Variants in STXBP5 observed in about 807,000 individuals in gnomAD.
STXBP5 encodes syntaxin binding protein 5, also known as syntaxin-binding protein 5.
In STXBP5, 50 loss-of-function variants were observed where a neutral mutation model predicts 152.4. The ratio of observed to expected loss-of-function variants is 0.33; its 90% confidence interval spans 0.26 to 0.42. The LOEUF (loss-of-function observed/expected upper bound fraction) is 0.42. STXBP5 is among the 10% of genes least tolerant of loss of function. STXBP5 has a pLI of 1.00. For missense variants in STXBP5, 1,167 were observed against 1,388.6 expected, an observed-to-expected ratio of 0.84 and a Z score of 2.54; for synonymous variants, 492 against 494.7, an observed-to-expected ratio of 0.99 and a Z score of 0.07.
intron 14 of STXBP5, among the ~76,000 whole-genome samples, chr6:147,315,273 T>C (rs1782586230): frequency 6.6e-6 from 1 of 152,166 alleles, no homozygotes; most frequent in Non-Finnish European, 1.5e-5. Flanking sequence ...TTTTTAAGAT[T>C]ACCTAAAATC....
intron 5 of STXBP5, 143 bp from the exon 6 acceptor site, chr6:147,262,147 T>A: frequency 1.7e-6 from 1 of 572,128 alleles, no homozygotes; most frequent in Non-Finnish European, 3.0e-6. Context: ...AAGAACTATA[T>A]GCCTATTATT....
At chr6:147,373,053 C>G (rs1395121907) in intron 25 of STXBP5, among the ~76,000 whole-genome samples, 2 of 152,090 alleles carry the variant, frequency 1.3e-5, no homozygotes, top group East Asian at 1.9e-4. Flanking sequence ...TTACACTGGA[C>G]TTTTATACTT....
rs1384761459 is a variant in STXBP5 at position 147,384,835 on chromosome 6, C to T, written c.*80C>T. 9 of 1,376,842 alleles carry T rather than the reference C, an allele frequency of 6.5e-6. No individual in the cohort carries two copies. The African/African-American group carries it at 7.3e-5, about 11-fold the overall frequency. 85.3% of individuals were successfully genotyped at this position (1,376,842 alleles called of 1,614,324 possible). ...TTATTACATTCTTTAGGAAAGTTAA[C>T]GTTAAAGGGATGTTCGTCACTGAAT... is the stretch of plus-strand genomic sequence containing the variant. On this transcript the variant is annotated 3_prime_UTR_variant, in exon 28 of 28. Coordinates refer to ENST00000321680, the MANE Select transcript of STXBP5 (RefSeq NM_001127715.4).
intron 4 of STXBP5, among the ~76,000 whole-genome samples, chr6:147,260,035 C>T (rs2115334841): frequency 6.6e-6 from 1 of 152,252 alleles, no homozygotes; most frequent in East Asian, 1.9e-4. Flanking sequence ...TACAGGTGAT[C>T]TCAGTCCTTC....
intron 4 of STXBP5, among the ~76,000 whole-genome samples, chr6:147,248,808 T>C (rs185038119): frequency 2.0e-5 from 3 of 152,304 alleles, no homozygotes; most frequent in Non-Finnish European, 2.9e-5. Flanking sequence ...TTAGTTGACC[T>C]TAAAATACGA....
intron 26 of STXBP5, among the ~76,000 whole-genome samples, chr6:147,376,422 T>C (rs1785813149): frequency 6.6e-6 from 1 of 152,064 alleles, no homozygotes; most frequent in Non-Finnish European, 1.5e-5. Context: ...GATAAACAGA[T>C]AGTACATAAA....
intron 18 of STXBP5, among the ~76,000 whole-genome samples, chr6:147,330,709 C>T (rs1783525467): frequency 6.6e-6 from 1 of 152,128 alleles, no homozygotes; most frequent in Admixed American, 6.5e-5. Flanking sequence ...AGCCTGTTGA[C>T]ATAATGTTGC....
intron 22 of STXBP5, 152 bp downstream of exon 22, chr6:147,353,525 T>C: frequency 2.2e-6 from 1 of 464,134 alleles, no homozygotes; most frequent in Non-Finnish European, 3.9e-6. Context: ...GAATAGTCTT[T>C]AGAATGCTAT....
chr6:147,375,268 A>G (rs578189722), intron 26 of STXBP5, among the ~76,000 whole-genome samples: 20 of 152,334 alleles, frequency 1.3e-4, no homozygotes, highest in Admixed American at 1.0e-3. Context: ...TATCATAATT[A>G]TAGTGTTCAA....
intron 27 of STXBP5, among the ~76,000 whole-genome samples, chr6:147,384,163 G>A (rs1420990045): frequency 1.3e-5 from 2 of 152,158 alleles, no homozygotes; most frequent in African/African-American, 4.8e-5. Context: ...TACAATCACA[G>A]GTTCTTGAAT....
chr6:147,304,303 C>T (rs908958805), intron 9 of STXBP5, among the ~76,000 whole-genome samples: 2 of 152,186 alleles, frequency 1.3e-5, no homozygotes, highest in African/African-American at 2.4e-5. Context: ...CAGGCCATTG[C>T]TTCAGAGGGT....
intron 4 of STXBP5, among the ~76,000 whole-genome samples, chr6:147,259,055 C>T (rs982414133): frequency 2.2e-4 from 34 of 152,128 alleles, no homozygotes; most frequent in African/African-American, 7.9e-4. Context: ...AGTTATAGAG[C>T]AGAGTAATTT....
chr6:147,244,989 T>TG (rs1168193048), intron 4 of STXBP5, among the ~76,000 whole-genome samples: 1 of 132,058 alleles, frequency 7.6e-6, no homozygotes, highest in African/African-American at 2.9e-5. Context: ...CTGAGCTGCT[T>TG]TTTTTTTTTT....
Position 147,204,745 on chromosome 6 carries a change from T to C in STXBP5, c.150+63T>C, listed in dbSNP as rs1776450533. On this transcript the variant is annotated intron_variant, in intron 1 of 27. Coordinates refer to ENST00000321680, the MANE Select transcript of STXBP5 (RefSeq NM_001127715.4). The surrounding 1 kb of genome is among the most constrained non-coding windows in gnomAD (Gnocchi z 4.3). ...AAAATTGGGGTTGTTTTAAGGGGGC[T>C]ACTCGGGCTTTACATGGGAATGCAA... 3.4e-6 allele frequency: 5 copies of C among 1,468,732 alleles called. No individual in the cohort carries two copies. In the South Asian group the frequency reaches 6.9e-5, roughly 20 times the overall value. 91.0% of individuals were successfully genotyped at this position (1,468,732 alleles called of 1,614,324 possible).
chr6:147,321,655 A>G (rs1382168607), intron 16 of STXBP5, among the ~76,000 whole-genome samples: 2 of 152,178 alleles, frequency 1.3e-5, no homozygotes, highest in Non-Finnish European at 2.9e-5. Context: ...AATTATTTTT[A>G]TTGTCCCTTT....
intron 25 of STXBP5, among the ~76,000 whole-genome samples, chr6:147,367,494 C>T (rs1228641671): frequency 1.3e-5 from 2 of 151,978 alleles, no homozygotes; most frequent in South Asian, 2.1e-4. Context: ...AAAATTTAGC[C>T]GGGCGTGGTG....
intron 2 of STXBP5, among the ~76,000 whole-genome samples, chr6:147,209,969 A>G (rs1381824991): frequency 2.0e-5 from 3 of 152,338 alleles, no homozygotes; most frequent in Non-Finnish European, 4.4e-5. Flanking sequence ...AGGTATCTGC[A>G]TGATATTCAG....
intron 2 of STXBP5, among the ~76,000 whole-genome samples, chr6:147,212,093 T>A (rs1422613193): frequency 1.3e-5 from 2 of 152,232 alleles, no homozygotes; most frequent in Non-Finnish European, 2.9e-5. Flanking sequence ...AAGTTGTGAT[T>A]CTTAGCATGG....
intron 16 of STXBP5, among the ~76,000 whole-genome samples, chr6:147,324,264 G>C (rs9390457): frequency 1.7e-5 from 1 of 57,952 alleles, no homozygotes; most frequent in Non-Finnish European, 2.9e-5. Flanking sequence ...TTTTTTTTTG[G>C]TTTTTTTTTT....
Sources: allele counts gnomAD v4.1 joint callset (sites outside exome capture counted in the v4.1 genomes callset), GRCh38; gene constraint gnomAD v4.1.1; non-coding constraint Gnocchi (gnomAD v3.1); transcripts MANE v1.5; gene names NCBI Gene and HGNC (gene_info 2026-07-23, HGNC 2026-07-21).